The following SH3PXD2B variants were observed in gnomAD, a reference collection of about 807,000 sequenced individuals.
SH3PXD2B encodes the protein SH3 and PX domains 2B, also known as SH3 and PX domain-containing protein 2B.
Under a neutral mutation model 73.1 loss-of-function variants are expected in SH3PXD2B, and 37 were observed. That is an observed-to-expected ratio of 0.51 (90% CI 0.39 to 0.67). SH3PXD2B has a LOEUF of 0.67. Ranked by LOEUF, SH3PXD2B falls within the 30% of genes least tolerant of loss-of-function variation. SH3PXD2B has a pLI of 0.00. For synonymous variants in SH3PXD2B, 457 were observed against 480.5 expected (o/e 0.95, Z 0.64); for missense variants, 1,053 against 1,197.8 (o/e 0.88, Z 1.78).
chr5:172,368,470 ATATATATATATAAAATATATATATAT>A (rs1561907840), intron 6 of SH3PXD2B, among the ~76,000 whole-genome samples: 532 of 24,500 alleles, frequency 0.022, 69 homozygotes, highest in African/African-American at 0.036. Context: ...TATATATATT[ATATATATATATAAAATATATATATAT>A]TATATATATA....
Position 172,338,346 on chromosome 5 carries a change from C to T in SH3PXD2B, c.*23G>A. ...GTAAAGCCAGCAAGGACCAGCGGGC[C>T]CTCTAGGCAGAAAGGGAGTCGGCTA... On this transcript the variant is annotated 3_prime_UTR_variant, in exon 13 of 13. Coordinates refer to ENST00000311601, the MANE Select transcript of SH3PXD2B (RefSeq NM_001017995.3). This position sits in a 1 kb window ranked among gnomAD's most constrained non-coding sequence, Gnocchi z 5.1. The T allele has an allele frequency of 1.2e-6, 2 of 1,613,896 alleles. No individual in the cohort carries two copies. Among genetic ancestry groups the T allele is most frequent in the Non-Finnish European group, 1.7e-6 (2 of 1,180,038 alleles).
In SH3PXD2B at chr5:172,338,001, A is replaced by G; in HGVS notation, c.*368T>C. ...TACTGTGCCATGTCCAAGCCATGAG[A>G]GACCCTTGCTGGAGTTTCTCCAGGC... is the stretch of plus-strand genomic sequence containing the variant. On this transcript the variant is annotated 3_prime_UTR_variant, in exon 13 of 13. Transcript: ENST00000311601. The surrounding 1 kb of genome is among the most constrained non-coding windows in gnomAD (Gnocchi z 5.1). The G allele has an allele frequency of 8.4e-7, 1 of 1,189,786 alleles. No homozygotes were observed. Among genetic ancestry groups the G allele is most frequent in the Non-Finnish European group, 1.1e-6 (1 of 952,162 alleles). 73.7% of individuals were successfully genotyped at this position (1,189,786 alleles called of 1,614,324 possible).
rs374136394 is a variant in SH3PXD2B at position 172,326,921 on chromosome 5, A to C, written c.1189-1541T>G. On this transcript the variant is annotated intron_variant, in intron 12 of 12. Transcript: ENST00000519643. ...GCCCAAGCTGGTGTGAAGTGGCACGATCTTGGCTCACTGCAACCTCTGCGT... is the reference window on the plus strand; with the variant it reads ...GCCCAAGCTGGTGTGAAGTGGCACGCTCTTGGCTCACTGCAACCTCTGCGT... Among the ~76,000 whole-genome samples the C allele has an allele frequency of 6.1e-3, 896 of 145,958 alleles. 11 individuals carry two copies. The highest frequency in any genetic ancestry group is 0.022 in the African/African-American group (849 of 38,808).
At position 172,337,889 on chromosome 5, in the gene SH3PXD2B, T is replaced by G; in HGVS notation, c.*480A>C. ...TGAAGTTCCTTCTGGTAGCAGGCAATTTAGGAGGAGTGAATAAAGCCACTG... is the reference window on the plus strand; with the variant it reads ...TGAAGTTCCTTCTGGTAGCAGGCAAGTTAGGAGGAGTGAATAAAGCCACTG... On this transcript the variant is annotated 3_prime_UTR_variant, in exon 13 of 13. Transcript: ENST00000311601. The G allele has an allele frequency of 9.9e-7, 1 of 1,010,352 alleles. No individual in the cohort carries two copies. The allele number at this position is 1,010,352 out of a possible 1,614,324, so 62.6% of individuals were successfully genotyped here.
At position 172,338,829 on chromosome 5, in the gene SH3PXD2B, G is replaced by A; in HGVS notation, c.2276C>T (p.Pro759Leu). ...TTTCTTTGGGGGAGGTGGTCTGCGG[G>A]GTGGGACCACAGGTCTCTGCTGGGG... ...EAPQQRPVVP[P>L]RRPPPPKKTS... is the part of the protein sequence containing the mutation. The change falls in exon 13 of 13, where the codon CCC (proline) becomes CTC (leucine). Residue 759 changes from proline (P) to leucine (L), a missense_variant. By Grantham distance (98) the Pro-to-Leu change is moderately conservative. Coordinates refer to ENST00000311601, the MANE Select transcript of SH3PXD2B (RefSeq NM_001017995.3). This position sits in a 1 kb window ranked among gnomAD's most constrained non-coding sequence, Gnocchi z 5.1. 1 of 1,614,072 alleles carries A rather than the reference G, an allele frequency of 6.2e-7. No individual in the cohort carries two copies. The highest frequency in any genetic ancestry group is 2.2e-5 in the East Asian group (1 of 44,872).
intron 5 of SH3PXD2B, among the ~76,000 whole-genome samples, chr5:172,375,360 A>AAAAAC (rs1288877338): frequency 6.6e-6 from 1 of 152,052 alleles, no homozygotes; most frequent in East Asian, 1.9e-4. Flanking sequence ...ACTCTGTCTC[A>AAAAAC]AAAACAAAAC....
intron 6 of SH3PXD2B, among the ~76,000 whole-genome samples, chr5:172,368,686 T>TTATATATATAAAATATATATATATTA (rs1757624022): frequency 4.0e-5 from 1 of 24,764 alleles, no homozygotes; most frequent in Non-Finnish European, 5.7e-5. Context: ...AATATATATG[T>TTATATATATAAAATATATATATATTA]TATATATATA....
chr5:172,416,694 CTCTTTTTTTTTTT>C (rs1335222376), intron 2 of SH3PXD2B, among the ~76,000 whole-genome samples: 283 of 78,196 alleles, frequency 3.6e-3, no homozygotes, highest in African/African-American at 0.019. Context: ...CTCTCTCTCT[CTCTTTTTTTTTTT>C]TTTTTTTTTT....
chr5:172,441,046 C>A (rs575557064), intron 1 of SH3PXD2B, among the ~76,000 whole-genome samples: 71 of 152,266 alleles, frequency 4.7e-4, no homozygotes, highest in Non-Finnish European at 9.1e-4. Flanking sequence ...TTACGATGAA[C>A]CAAGTGAAAT....
rs534476356 is a variant in SH3PXD2B at position 172,339,531 on chromosome 5, C to T, written c.1574G>A (p.Arg525Gln). ...CTCCGACTTGATGATGGATTCTTTC[C>T]GCGGAGGGAGGCTGGGCTTCTCCTC... ...DMEEKPSLPPRKESIIKSEGE... is the reference protein window; with the variant it reads ...DMEEKPSLPPQKESIIKSEGE... The change falls in exon 13 of 13, where the codon CGG becomes CAG. Residue 525 changes from arginine (R) to glutamine (Q), a missense_variant. Arg to Gln is a conservative substitution (Grantham distance 43). Around this residue, in one of 2 missense-constraint regions of SH3PXD2B, gnomAD observed 587 missense variants for 590.7 expected, o/e 0.99. Transcript: ENST00000311601. This position sits in a 1 kb window ranked among gnomAD's most constrained non-coding sequence, Gnocchi z 6.1. The T allele has an allele frequency of 3.1e-6, 5 of 1,614,142 alleles. No individual in the cohort carries two copies. The highest frequency in any genetic ancestry group is 2.2e-5 in the East Asian group (1 of 44,872).
intron 1 of SH3PXD2B, among the ~76,000 whole-genome samples, chr5:172,428,342 C>T (rs1166171333): frequency 6.6e-6 from 1 of 152,224 alleles, no homozygotes; most frequent in Admixed American, 6.5e-5. Flanking sequence ...ATGGTCACTG[C>T]CACTAACGAG....
rs753761917 is a variant in SH3PXD2B at position 172,339,703 on chromosome 5, G to A, written c.1402C>T (p.Arg468Trp). Residue 468 changes from arginine to tryptophan, a missense_variant, in exon 13 of 13, where the codon CGG becomes TGG. Arg to Trp is a moderately radical substitution (Grantham distance 101, BLOSUM62 -3). This residue lies in a region of SH3PXD2B where 587 missense variants were observed against 590.7 expected (regional missense o/e 0.99). Coordinates refer to ENST00000311601, the MANE Select transcript of SH3PXD2B (RefSeq NM_001017995.3). This position sits in a 1 kb window ranked among gnomAD's most constrained non-coding sequence, Gnocchi z 6.1. ...CCATGCGGTGCGTCAGGCAGGGGCCGGGAGGGGCCCGTGGCTTCGCTGCCC... is the reference window on the plus strand; with the variant it reads ...CCATGCGGTGCGTCAGGCAGGGGCCAGGAGGGGCCCGTGGCTTCGCTGCCC... Reference protein sequence around the residue: ...NTGSEATGPSRPLPDAPHGVM... With the variant: ...NTGSEATGPSWPLPDAPHGVM... The A allele has an allele frequency of 5.8e-5, 94 of 1,614,116 alleles. No homozygotes were observed. Among genetic ancestry groups the A allele is most frequent in the South Asian group, 1.9e-4 (17 of 91,092 alleles).
chr5:172,427,880 C>T (rs1393399215), intron 1 of SH3PXD2B, among the ~76,000 whole-genome samples: 1 of 151,078 alleles, frequency 6.6e-6, no homozygotes, highest in Non-Finnish European at 1.5e-5. Flanking sequence ...CGGGTTCAAG[C>T]AATTCTCTGC....
Position 172,337,801 on chromosome 5 carries a change from C to T in SH3PXD2B, c.*568G>A. 1 of 999,254 alleles carries T rather than the reference C, an allele frequency of 1.0e-6. No individual in the cohort carries two copies. Among genetic ancestry groups the T allele is most frequent in the Non-Finnish European group, 1.2e-6 (1 of 837,886 alleles). The allele number at this position is 999,254 out of a possible 1,614,324, so 61.9% of individuals were successfully genotyped here. ...CAGTGGAACCTCAGAGGCCCACGGG[C>T]CTGAGGCTTTGGGGAAGGGGACACT... On this transcript the variant is annotated 3_prime_UTR_variant, in exon 13 of 13. Transcript: ENST00000311601.
At chr5:172,424,996 C>A (rs1046284622) in intron 1 of SH3PXD2B, among the ~76,000 whole-genome samples, 1 of 152,138 alleles carries the variant, frequency 6.6e-6, no homozygotes, top group African/African-American at 2.4e-5. Context: ...TGTTTGCGCT[C>A]CCCGTTCCTA....
chr5:172,368,382 C>T lies in SH3PXD2B; in HGVS notation c.427+5408G>A, dbSNP rs144677593. Among the ~76,000 whole-genome samples the T allele has an allele frequency of 4.8e-3, 698 of 144,608 alleles. 7 individuals are homozygous for T. The highest frequency in any genetic ancestry group is 0.017 in the African/African-American group (662 of 38,982). The allele number at this position is 144,608 out of a possible 152,430, so 94.9% of individuals were successfully genotyped here. On this transcript the variant is annotated intron_variant, in intron 6 of 12. Coordinates refer to ENST00000311601, the MANE Select transcript of SH3PXD2B (RefSeq NM_001017995.3). ...AAGGGCAGGGACAGTCTCTTGTTCACTGCTATATTCATACTGCCTAACGGC... is the reference window on the plus strand; with the variant it reads ...AAGGGCAGGGACAGTCTCTTGTTCATTGCTATATTCATACTGCCTAACGGC...
intron 2 of SH3PXD2B, among the ~76,000 whole-genome samples, chr5:172,410,373 T>C (rs1394910596): frequency 6.6e-6 from 1 of 152,180 alleles, no homozygotes; most frequent in East Asian, 1.9e-4. Context: ...GAGGTGGAAA[T>C]GCTTGGTCCA....
At position 172,390,157 on chromosome 5, in the gene SH3PXD2B, T is replaced by C. The variant is rs557773894; in HGVS notation, c.309+4406A>G. Among the ~76,000 whole-genome samples, 256 of 152,350 alleles carry C rather than the reference T, an allele frequency of 1.7e-3. 2 individuals are homozygous for C. The highest frequency in any genetic ancestry group is 6.1e-3 in the African/African-American group (252 of 41,570). ...ACAATCTAGTTTCAAAACTTTTCCA[T>C]CACTTCAAAAATGTCCCCCAACCTA... On this transcript the variant is annotated intron_variant, in intron 4 of 12. Transcript: ENST00000311601.
At chr5:172,401,140 G>C (rs926735966) in intron 3 of SH3PXD2B, among the ~76,000 whole-genome samples, 3 of 152,186 alleles carry the variant, frequency 2.0e-5, no homozygotes, top group African/African-American at 7.2e-5. Context: ...AATGATTTAA[G>C]ACAGTCTGTT....
Sources: allele counts gnomAD v4.1 joint callset (sites outside exome capture counted in the v4.1 genomes callset), GRCh38; gene constraint gnomAD v4.1.1; regional missense constraint gnomAD v4.1.1; non-coding constraint Gnocchi (gnomAD v3.1); transcripts MANE v1.5; gene names NCBI Gene and HGNC (gene_info 2026-07-23, HGNC 2026-07-21).